The following COBLL1 variants were observed in gnomAD, a reference collection of about 807,000 sequenced individuals.
The protein encoded by COBLL1 is cordon-bleu WH2 repeat protein like 1.
In COBLL1, 50 loss-of-function variants were observed where a neutral mutation model predicts 94.8. That is an observed-to-expected ratio of 0.53 (90% CI 0.42 to 0.67). The LOEUF (loss-of-function observed/expected upper bound fraction) is 0.67, where lower values mean the gene tolerates loss of function less well. Ranked by LOEUF, COBLL1 falls within the 30% of genes least tolerant of loss-of-function variation. The pLI is 0.00. For synonymous variants in COBLL1, 448 were observed against 473.8 expected (o/e 0.95, Z 0.71); for missense variants, 1,362 against 1,348.7 (o/e 1.01, Z -0.15).
At position 164,748,844 on chromosome 2, in the gene COBLL1, C is replaced by T. The variant is rs9630983; in HGVS notation, c.42-4969G>A. The stretch of plus-strand genomic sequence containing the variant: ...AATAACAAGCTACAGTAAATTATTG[C>T]TTATGCAAATCATTGCTTTATTAAA... On this transcript the variant is annotated intron_variant, in intron 2 of 13. Coordinates refer to ENST00000652658, the MANE Select transcript of COBLL1 (RefSeq NM_001365672.2). Among the ~76,000 whole-genome samples the T allele has an allele frequency of 7.5e-3, 1,141 of 152,194 alleles. 9 individuals are homozygous for T. The highest frequency in any genetic ancestry group is 0.025 in the African/African-American group (1,050 of 41,544).
chr2:164,750,383 T>C (rs1167330980), intron 2 of COBLL1, among the ~76,000 whole-genome samples: 2 of 152,132 alleles, frequency 1.3e-5, no homozygotes, highest in Non-Finnish European at 2.9e-5. Flanking sequence ...ATACTTTAAT[T>C]CCTCTCTGTC....
rs138433013 is a variant in COBLL1 at position 164,671,671 on chromosome 2, T to C, written n.127-5770A>G. 2.7e-3 allele frequency among the ~76,000 whole-genome samples: 412 copies of C among 152,230 alleles called. 1 individual carries two copies. Among genetic ancestry groups the C allele is most frequent in the Middle Eastern group, 6.8e-3 (2 of 292 alleles). On this transcript the variant is annotated intron_variant and non_coding_transcript_variant, in intron 1 of 2. Coordinates refer to the COBLL1 transcript ENST00000495084. ...GACTCATATTGCTTCCAGAGCTTTA[T>C]GAGGATAAGGACATTTAGACAATGG...
chr2:164,808,467 T>C (rs755781877), intron 2 of COBLL1, among the ~76,000 whole-genome samples: 1 of 152,200 alleles, frequency 6.6e-6, no homozygotes, highest in Non-Finnish European at 1.5e-5. Flanking sequence ...TAGCAGTCTA[T>C]CTTCCACCAT....
At chr2:164,742,344 C>CTTT (rs1350283641) in intron 3 of COBLL1, among the ~76,000 whole-genome samples, 2 of 150,582 alleles carry the variant, frequency 1.3e-5, no homozygotes, top group East Asian at 3.9e-4. Flanking sequence ...AAAAAGTTGA[C>CTTT]TTTTTTTTTC....
Position 164,683,792 on chromosome 2 carries a change from A to G in COBLL1, c.*2154T>C, listed in dbSNP as rs1683153810. 6.6e-6 allele frequency: 1 copy of G among 152,116 alleles called. No individual in the cohort carries two copies. The highest frequency in any genetic ancestry group is 1.5e-5 in the Non-Finnish European group (1 of 68,008). 9.4% of individuals were successfully genotyped at this position (152,116 alleles called of 1,614,324 possible). A position where few individuals can be genotyped will look rare whatever the true frequency, so the allele number is the denominator to read the frequency against. On this transcript the variant is annotated 3_prime_UTR_variant, in exon 14 of 14. Transcript: ENST00000652658. ...GTTTTTGAGATGTATTCATGCTGACATATATAGCTCTAGCTTGTTCATTTG... is the reference window on the plus strand; with the variant it reads ...GTTTTTGAGATGTATTCATGCTGACGTATATAGCTCTAGCTTGTTCATTTG...
At chr2:164,670,243 C>A (rs1277740858) in intron 1 of COBLL1, among the ~76,000 whole-genome samples, 1 of 152,028 alleles carries the variant, frequency 6.6e-6, no homozygotes, top group Non-Finnish European at 1.5e-5. Flanking sequence ...AGAATTTGAA[C>A]TTGAAAGCAG....
At chr2:164,657,963 C>A (rs996874279) in intron 2 of COBLL1, among the ~76,000 whole-genome samples, 2 of 151,532 alleles carry the variant, frequency 1.3e-5, no homozygotes, top group Non-Finnish European at 1.5e-5. Flanking sequence ...AGCTCCCATA[C>A]AAAGGGAGGG....
chr2:164,742,085 A>T (rs1246442441), intron 3 of COBLL1, among the ~76,000 whole-genome samples: 2 of 152,088 alleles, frequency 1.3e-5, no homozygotes, highest in East Asian at 3.9e-4. Context: ...ACAGAAGAAA[A>T]GTTAACTCGG....
intron 2 of COBLL1, among the ~76,000 whole-genome samples, chr2:164,798,453 C>T (rs375229283): frequency 5.9e-5 from 9 of 152,250 alleles, no homozygotes; most frequent in East Asian, 5.8e-4. Flanking sequence ...ATTACTCTGA[C>T]GTTACATACT....
chr2:164,752,660 T>A (rs748345636), intron 2 of COBLL1, among the ~76,000 whole-genome samples: 2 of 151,934 alleles, frequency 1.3e-5, no homozygotes, highest in Non-Finnish European at 2.9e-5. Flanking sequence ...CACTACCCAA[T>A]AACCCTAGCA....
At chr2:164,667,951 T>C (rs1691188771) in intron 1 of COBLL1, among the ~76,000 whole-genome samples, 3 of 151,696 alleles carry the variant, frequency 2.0e-5, no homozygotes, top group Admixed American at 1.3e-4. Context: ...GCTTTCTTTT[T>C]TTTTTTTTTT....
intron 7 of COBLL1, among the ~76,000 whole-genome samples, chr2:164,707,182 A>C (rs963254163): frequency 6.6e-6 from 1 of 151,480 alleles, no homozygotes. Flanking sequence ...CTCACTCTCC[A>C]CCTAGGTTGG....
At position 164,682,856 on chromosome 2, in the gene COBLL1, A is replaced by T. The variant is rs1683099735; in HGVS notation, c.*3090T>A. 6.6e-6 allele frequency: 1 copy of T among 152,150 alleles called. No individual in the cohort carries two copies. 9.4% of individuals were successfully genotyped at this position (152,150 alleles called of 1,614,324 possible). On this transcript the variant is annotated 3_prime_UTR_variant, in exon 14 of 14. Coordinates refer to ENST00000652658, the MANE Select transcript of COBLL1 (RefSeq NM_001365672.2). ...CTCTTCACTCCAGCCAACATTATGT[A>T]CCGCAGCAAGAAACAATAGAATGGC...
intron 2 of COBLL1, among the ~76,000 whole-genome samples, chr2:164,793,829 A>G (rs1370628926): frequency 1.3e-5 from 2 of 152,250 alleles, no homozygotes; most frequent in African/African-American, 4.8e-5. Flanking sequence ...TGGTAAGACT[A>G]TAAGTATATT....
At chr2:164,823,190 C>T (rs776697077) in intron 2 of COBLL1, among the ~76,000 whole-genome samples, 4 of 152,086 alleles carry the variant, frequency 2.6e-5, no homozygotes, top group Admixed American at 1.3e-4. Flanking sequence ...GTTTTCATTA[C>T]GAGCAGTTAC....
intron 2 of COBLL1, among the ~76,000 whole-genome samples, chr2:164,760,089 C>T (rs748598828): frequency 1.3e-5 from 2 of 152,166 alleles, no homozygotes; most frequent in South Asian, 2.1e-4. Context: ...TCACAAAAAC[C>T]TCTACATGAA....
rs144551310 is a variant in COBLL1, at chr2:164,756,555, T to C, written c.42-12680A>G. On this transcript the variant is annotated intron_variant, in intron 2 of 13. Coordinates refer to ENST00000652658, the MANE Select transcript of COBLL1 (RefSeq NM_001365672.2). Reference sequence around the variant, plus strand: ...ATAGTTTATTCCTAAGCAGCATCTCTAAGTCAATAAACTTATTCTAGTATC... The same window carrying C: ...ATAGTTTATTCCTAAGCAGCATCTCCAAGTCAATAAACTTATTCTAGTATC... Among the ~76,000 whole-genome samples the C allele has an allele frequency of 6.6e-5, 10 of 152,350 alleles. No individual in the cohort carries two copies. In the East Asian group the frequency reaches 1.9e-3, roughly 29 times the overall value.
intron 7 of COBLL1, among the ~76,000 whole-genome samples, chr2:164,708,964 T>C (rs1467333647): frequency 2.0e-5 from 3 of 152,200 alleles, no homozygotes; most frequent in Non-Finnish European, 4.4e-5. Flanking sequence ...TGAGAGTATC[T>C]ACTTGGGAGT....
intron 2 of COBLL1, among the ~76,000 whole-genome samples, chr2:164,663,907 A>G (rs1691108683): frequency 6.6e-6 from 1 of 152,206 alleles, no homozygotes; most frequent in Admixed American, 6.5e-5. Flanking sequence ...ATACCATTGT[A>G]ACAGATCTGC....
Sources: gnomAD v4.1 joint callset for allele counts (sites outside exome capture counted in the v4.1 genomes callset) on GRCh38, gnomAD v4.1.1 for gene constraint, MANE v1.5 for transcripts, NCBI Gene and HGNC (gene_info 2026-07-23, HGNC 2026-07-21) for gene names.